CDK5RAP2: variants seen among roughly 807,000 people sequenced by gnomAD.
The protein encoded by CDK5RAP2 is CDK5 regulatory subunit associated protein 2.
In CDK5RAP2, 147 loss-of-function variants were observed where a neutral mutation model predicts 232.9. That is an observed-to-expected ratio of 0.63 (90% CI 0.55 to 0.72). The LOEUF is 0.72. CDK5RAP2 is among the 30% of genes least tolerant of loss of function. CDK5RAP2 has a pLI of 0.00. For synonymous variants in CDK5RAP2, 833 were observed against 833.7 expected, an observed-to-expected ratio of 1.00 and a Z score of 0.01; for missense variants, 2,195 against 2,231.5, an observed-to-expected ratio of 0.98 and a Z score of 0.33.
rs1180755882 is a variant in CDK5RAP2, at chr9:120,528,700, T to C, written c.879+44A>G. The stretch of plus-strand genomic sequence containing the variant: ...CTCAGAATAAAACAAGAGGCAAGAA[T>C]AGGCTAAATCTTCAATACATTTTTT... On this transcript the variant is annotated intron_variant, in intron 9 of 37. Coordinates refer to ENST00000349780, the MANE Select transcript of CDK5RAP2 (RefSeq NM_018249.6). 5.6e-6 allele frequency: 7 copies of C among 1,244,484 alleles called. No homozygotes were observed. The South Asian group carries it at 6.0e-5, about 11-fold the overall frequency. 77.1% of individuals were successfully genotyped at this position (1,244,484 alleles called of 1,614,324 possible).
intron 3 of CDK5RAP2, among the ~76,000 whole-genome samples, chr9:120,558,915 T>A (rs2042350688): frequency 6.6e-6 from 1 of 152,246 alleles, no homozygotes; most frequent in African/African-American, 2.4e-5. Context: ...ATGAATATAA[T>A]CCACTTAATC....
intron 28 of CDK5RAP2, among the ~76,000 whole-genome samples, chr9:120,414,460 C>T (rs754789963): frequency 3.9e-5 from 6 of 151,976 alleles, no homozygotes; most frequent in Non-Finnish European, 7.4e-5. Context: ...ATATAGAGTA[C>T]GTTACCTCTG....
At chr9:120,420,209 G>A (rs1031253400) in intron 26 of CDK5RAP2, among the ~76,000 whole-genome samples, 1 of 152,202 alleles carries the variant, frequency 6.6e-6, no homozygotes, top group Non-Finnish European at 1.5e-5. Context: ...ATGGCTTACA[G>A]GGGAGGGACC....
chr9:120,458,459 A>G lies in CDK5RAP2; in HGVS notation c.2366T>C (p.Leu789Pro), dbSNP rs1313414682. 2 of 1,614,072 alleles carry G rather than the reference A, an allele frequency of 1.2e-6. No homozygotes were observed. The highest frequency in any genetic ancestry group is 2.7e-5 in the African/African-American group (2 of 74,938). Residue 789 changes from leucine to proline, a missense_variant, in exon 20 of 38, where the codon CTG (leucine) becomes CCG (proline). Physicochemically the swap from Leu to Pro is moderately conservative, Grantham distance 98. Coordinates refer to ENST00000349780, the MANE Select transcript of CDK5RAP2 (RefSeq NM_018249.6). ...TGGGCCCCATGTATACCTGGATTCC[A>G]GTAATAATGTGGCCTTCTCATTGAA... ...PLFNEKATLL[L>P]ESRPDLLKVV...
intron 21 of CDK5RAP2, among the ~76,000 whole-genome samples, chr9:120,453,202 A>G (rs1204761876): frequency 2.0e-5 from 3 of 152,170 alleles, no homozygotes; most frequent in Non-Finnish European, 4.4e-5. Flanking sequence ...AAACACATAA[A>G]TGTCACAATA....
chr9:120,470,243 A>AT, intron 16 of CDK5RAP2, 23 bp from the exon 17 acceptor site: 1 of 1,165,352 alleles, frequency 8.6e-7, no homozygotes, highest in Non-Finnish European at 1.2e-6. Context: ...GAAAAAAAAA[A>AT]GGTGGGGAGG....
intron 25 of CDK5RAP2, 66 bp from the exon 26 acceptor site, chr9:120,422,807 T>G (rs1239805644): frequency 8.4e-7 from 1 of 1,186,160 alleles, no homozygotes; most frequent in African/African-American, 1.5e-5. Context: ...CCTAATAATT[T>G]CCTGCTCATA....
At chr9:120,454,289 G>A (rs1035715062) in intron 20 of CDK5RAP2, among the ~76,000 whole-genome samples, 3 of 152,202 alleles carry the variant, frequency 2.0e-5, no homozygotes, top group African/African-American at 4.8e-5. Flanking sequence ...GGGCAAGTAT[G>A]GCTTTAGATG....
intron 25 of CDK5RAP2, 108 bp downstream of exon 25, chr9:120,437,186 GA>G: frequency 1.3e-6 from 1 of 785,588 alleles, no homozygotes; most frequent in South Asian, 1.5e-5. Context: ...CATCAAGGCA[GA>G]GGGGTGAAAG....
intron 35 of CDK5RAP2, among the ~76,000 whole-genome samples, chr9:120,398,650 A>G (rs1290516240): frequency 6.6e-6 from 1 of 152,216 alleles, no homozygotes; most frequent in Admixed American, 6.5e-5. Context: ...AGAGAAATCT[A>G]CCTTCTATCT....
chr9:120,458,306 A>C (rs2036896929), intron 20 of CDK5RAP2, 144 bp downstream of exon 20: 1 of 790,688 alleles, frequency 1.3e-6, no homozygotes, highest in Non-Finnish European at 2.1e-6. Context: ...ACTTAATTTC[A>C]TGACTGGCAA....
At chr9:120,409,469 A>G (rs1205317583) in intron 29 of CDK5RAP2, among the ~76,000 whole-genome samples, 153 bp from the exon 30 acceptor site, 1 of 152,278 alleles carries the variant, frequency 6.6e-6, no homozygotes, top group East Asian at 1.9e-4. Context: ...CACTTTGGGC[A>G]GATAAATTTG....
At chr9:120,566,032 A>G (rs2042634656) in intron 3 of CDK5RAP2, among the ~76,000 whole-genome samples, 1 of 152,194 alleles carries the variant, frequency 6.6e-6, no homozygotes, top group South Asian at 2.1e-4. Flanking sequence ...TCCCAACTAA[A>G]TGCAACTCCT....
At chr9:120,477,719 T>C (rs539964217) in intron 14 of CDK5RAP2, among the ~76,000 whole-genome samples, 3 of 152,160 alleles carry the variant, frequency 2.0e-5, no homozygotes, top group Non-Finnish European at 4.4e-5. Flanking sequence ...GCACCAGCTA[T>C]GGGATTAGCC....
Position 120,515,025 on chromosome 9 carries a change from T to TA in CDK5RAP2, c.1311+3401dup, listed in dbSNP as rs537530621. 6.6e-5 allele frequency among the ~76,000 whole-genome samples: 10 copies of TA among 152,110 alleles called. No individual in the cohort carries two copies. The South Asian group carries it at 1.9e-3, about 28-fold the overall frequency. On this transcript the variant is annotated intron_variant, in intron 12 of 37. Transcript: ENST00000349780. Reference sequence around the variant, plus strand: ...TGATTACAAAGACTAAGTTATGATATAAAAAAACTACATATTATATATTAT... The same window carrying TA: ...TGATTACAAAGACTAAGTTATGATATAAAAAAAACTACATATTATATATTAT...
At chr9:120,554,925 G>A (rs1375267613) in intron 3 of CDK5RAP2, among the ~76,000 whole-genome samples, 9 of 152,148 alleles carry the variant, frequency 5.9e-5, no homozygotes, top group South Asian at 2.1e-4. Context: ...GAGTCACCAC[G>A]CTCAGCCTCA....
chr9:120,426,083 T>C (rs369520392), intron 25 of CDK5RAP2, among the ~76,000 whole-genome samples: 16 of 152,338 alleles, frequency 1.1e-4, no homozygotes, highest in African/African-American at 3.6e-4. Flanking sequence ...TAAGGGACTC[T>C]GGGGAGGGCA....
intron 5 of CDK5RAP2, among the ~76,000 whole-genome samples, chr9:120,544,829 G>C (rs1009966174): frequency 1.3e-4 from 20 of 152,156 alleles, no homozygotes; most frequent in African/African-American, 4.8e-4. Flanking sequence ...TTTTTCACAG[G>C]TGTGATGGGC....
intron 35 of CDK5RAP2, among the ~76,000 whole-genome samples, chr9:120,396,184 G>C (rs974725019): frequency 4.6e-5 from 7 of 152,202 alleles, no homozygotes; most frequent in African/African-American, 1.7e-4. Context: ...AACCAGTCAT[G>C]TCAGGTACAA....
Sources: gnomAD v4.1 joint callset for allele counts (sites outside exome capture counted in the v4.1 genomes callset) on GRCh38, gnomAD v4.1.1 for gene constraint, MANE v1.5 for transcripts, NCBI Gene and HGNC (gene_info 2026-07-23, HGNC 2026-07-21) for gene names.